The following RASSF9 variants were observed in gnomAD, a reference collection of about 807,000 sequenced individuals.
RASSF9 encodes ras association domain-containing protein 9.
Under a neutral mutation model 21.4 loss-of-function variants are expected in RASSF9, and 18 were observed. The ratio of observed to expected loss-of-function variants is 0.84; its 90% confidence interval spans 0.58 to 1.25. The LOEUF is 1.25. Ranked by LOEUF, RASSF9 falls within the 50% of genes most tolerant of loss-of-function variation. The pLI is 0.00. For synonymous variants in RASSF9, 183 were observed against 179.1 expected (o/e 1.02, Z -0.18); for missense variants, 480 against 503.2 (o/e 0.95, Z 0.44).
Position 85,803,301 on chromosome 12 carries a change from A to C in RASSF9, c.*1401T>G, listed in dbSNP as rs183050487. On this transcript the variant is annotated 3_prime_UTR_variant, in exon 2 of 2. Coordinates refer to ENST00000361228, the MANE Select transcript of RASSF9 (RefSeq NM_005447.4). ...ATTGGGACCCTTAACCAATGTCCAC[A>C]TATTAAAACTAAGTAAAATAATATT... 6.6e-6 allele frequency: 1 copy of C among 152,324 alleles called. No individual in the cohort carries two copies. Among genetic ancestry groups the C allele is most frequent in the African/African-American group, 2.4e-5 (1 of 41,574 alleles). The allele number at this position is 152,324 out of a possible 1,614,324, so 9.4% of individuals were successfully genotyped here.
chr12:85,807,724 T>C lies in RASSF9; in HGVS notation c.48-1762A>G, dbSNP rs1305822625. Among the ~76,000 whole-genome samples, 11 of 151,976 alleles carry C rather than the reference T, an allele frequency of 7.2e-5. No individual in the cohort carries two copies. In the South Asian group the frequency reaches 1.9e-3, roughly 26 times the overall value. On this transcript the variant is annotated intron_variant, in intron 1 of 1. Transcript: ENST00000361228. The stretch of plus-strand genomic sequence containing the variant: ...GTACTTTTCTCTGTTCTATAGAAGG[T>C]CAAGGGGAAAAAAACACTTCAGTTC...
chr12:85,827,325 A>G (rs1037674949), intron 1 of RASSF9, among the ~76,000 whole-genome samples: 5 of 152,098 alleles, frequency 3.3e-5, no homozygotes, highest in Admixed American at 6.5e-5. Flanking sequence ...AACTGTATCA[A>G]TTTTGTCACC....
intron 1 of RASSF9, among the ~76,000 whole-genome samples, chr12:85,825,355 G>T (rs1385117310): frequency 1.3e-5 from 2 of 152,100 alleles, no homozygotes; most frequent in Non-Finnish European, 2.9e-5. Flanking sequence ...TTAAACTTGG[G>T]AGTGGGGTAG....
At position 85,805,751 on chromosome 12, in the gene RASSF9, C is replaced by T. The variant is rs368582831; in HGVS notation, c.259G>A (p.Glu87Lys). The change falls in exon 2 of 2, where the codon GAA becomes AAA. Residue 87 changes from glutamate (E) to lysine (K), a missense_variant. Physicochemically the swap from Glu to Lys is moderately conservative, Grantham distance 56. Coordinates refer to ENST00000361228, the MANE Select transcript of RASSF9 (RefSeq NM_005447.4). The stretch of plus-strand genomic sequence containing the variant: ...CTAGTTAGTGGAGGAAGAACCCTTT[C>T]GGAGCCTCTCCACTTCTCTATGATG... ...YCIIEKWRGS[E>K]RVLPPLTRIL... is the part of the protein sequence containing the mutation. The T allele has an allele frequency of 6.8e-6, 11 of 1,613,714 alleles. No homozygotes were observed. Among genetic ancestry groups the T allele is most frequent in the South Asian group, 1.1e-5 (1 of 91,090 alleles).
intron 1 of RASSF9, among the ~76,000 whole-genome samples, chr12:85,833,709 T>A (rs968170497): frequency 5.9e-5 from 9 of 152,024 alleles, no homozygotes; most frequent in Non-Finnish European, 1.3e-4. Flanking sequence ...CTGATAAAGA[T>A]GCAATTATGC....
In RASSF9 at chr12:85,803,909, A is replaced by G. The variant is rs1248975484; in HGVS notation, c.*793T>C. On this transcript the variant is annotated 3_prime_UTR_variant, in exon 2 of 2. Coordinates refer to ENST00000361228, the MANE Select transcript of RASSF9 (RefSeq NM_005447.4). The stretch of plus-strand genomic sequence containing the variant: ...ACTTTTGTAGATAGGACATAAACAA[A>G]TAACACTATGACTGATTTTCTCTGT... The G allele has an allele frequency of 6.6e-6, 1 of 152,216 alleles. No individual in the cohort carries two copies. The highest frequency in any genetic ancestry group is 1.5e-5 in the Non-Finnish European group (1 of 68,040). 9.4% of individuals were successfully genotyped at this position (152,216 alleles called of 1,614,324 possible). A position where few individuals can be genotyped will look rare whatever the true frequency, so the allele number is the denominator to read the frequency against.
chr12:85,832,807 G>GT (rs992705929), intron 1 of RASSF9, among the ~76,000 whole-genome samples: 2 of 151,814 alleles, frequency 1.3e-5, no homozygotes, highest in Admixed American at 1.3e-4. Context: ...AGAATATTCT[G>GT]TTTTTCTGGA....
rs762290011 is a variant in RASSF9, at chr12:85,805,581, G to C, written c.429C>G (p.Leu143=). The change falls in exon 2 of 2, where the codon CTC becomes CTG. Residue 143 remains leucine, a synonymous_variant. Transcript: ENST00000361228. ...LVQNTEKLWE[L]SPANYMKTLP... ...AAGTCTTCATGTAGTTTGCTGGGCT[G>C]AGCTCCCACAATTTTTCTGTGTTTT... 6.2e-7 allele frequency: 1 copy of C among 1,613,888 alleles called. No homozygotes were observed. The highest frequency in any genetic ancestry group is 1.1e-5 in the South Asian group (1 of 91,078).
At chr12:85,818,970 AAAAAAAAAAAGGAACTGT>A (rs1408461745) in intron 1 of RASSF9, among the ~76,000 whole-genome samples, 1 of 151,608 alleles carries the variant, frequency 6.6e-6, no homozygotes, top group East Asian at 1.9e-4. Flanking sequence ...AAAAAAAAAA[AAAAAAAAAAAGGAACTGT>A]AAAATTATTT....
chr12:85,810,770 G>A (rs1054085788), intron 1 of RASSF9, among the ~76,000 whole-genome samples: 4 of 151,834 alleles, frequency 2.6e-5, no homozygotes, highest in African/African-American at 9.7e-5. Flanking sequence ...AGCTTGGTTC[G>A]TTATGTAATA....
intron 1 of RASSF9, among the ~76,000 whole-genome samples, chr12:85,830,995 C>T (rs533065196): frequency 9.2e-5 from 14 of 152,076 alleles, no homozygotes; most frequent in Non-Finnish European, 2.1e-4. Context: ...CATTAGAATG[C>T]AGAAGTAAGC....
In RASSF9 at chr12:85,827,102, C is replaced by A. The variant is rs533693172; in HGVS notation, c.47+9053G>T. Reference sequence around the variant, plus strand: ...ACCACTCTATCTCAGTCTTGAGCTTCAGGCCCAATATCTTACTGAATACCT... The same window carrying A: ...ACCACTCTATCTCAGTCTTGAGCTTAAGGCCCAATATCTTACTGAATACCT... On this transcript the variant is annotated intron_variant, in intron 1 of 1. Transcript: ENST00000361228. 2.4e-3 allele frequency among the ~76,000 whole-genome samples: 372 copies of A among 152,256 alleles called. 1 individual carries two copies. The highest frequency in any genetic ancestry group is 8.5e-3 in the African/African-American group (354 of 41,568).
At position 85,836,068 on chromosome 12, in the gene RASSF9, A is replaced by G. The variant is rs536284954; in HGVS notation, c.47+87T>C. ...AGAATCTAACAACCACAAAACACAT[A>G]CTTTCACAGGTAGGGTCCAGAGTAC... is the stretch of plus-strand genomic sequence containing the variant. On this transcript the variant is annotated intron_variant, in intron 1 of 1. Coordinates refer to ENST00000361228, the MANE Select transcript of RASSF9 (RefSeq NM_005447.4). 3.1e-5 allele frequency: 48 copies of G among 1,543,748 alleles called. No homozygotes were observed. The East Asian group carries it at 1.1e-3, about 35-fold the overall frequency.
intron 1 of RASSF9, among the ~76,000 whole-genome samples, chr12:85,821,174 A>G (rs1880202690): frequency 6.6e-6 from 1 of 152,082 alleles, no homozygotes; most frequent in Non-Finnish European, 1.5e-5. Flanking sequence ...AGCTACATTG[A>G]CCAATAAATT....
At chr12:85,807,151 A>G (rs1015571648) in intron 1 of RASSF9, among the ~76,000 whole-genome samples, 19 of 152,216 alleles carry the variant, frequency 1.2e-4, no homozygotes, top group Non-Finnish European at 2.6e-4. Flanking sequence ...AGGGATATCC[A>G]TTATCAAAAA....
intron 1 of RASSF9, among the ~76,000 whole-genome samples, chr12:85,810,504 G>C (rs970869697): frequency 6.6e-6 from 1 of 151,730 alleles, no homozygotes; most frequent in Non-Finnish European, 1.5e-5. Flanking sequence ...ATATAGAAAG[G>C]ATATGGAATA....
intron 1 of RASSF9, among the ~76,000 whole-genome samples, chr12:85,806,940 C>T (rs190836848): frequency 7.2e-4 from 109 of 151,982 alleles, no homozygotes; most frequent in Admixed American, 3.5e-3. Context: ...CCAGACACAC[C>T]TGAAGATACT....
chr12:85,813,242 A>G (rs918067795), intron 1 of RASSF9, among the ~76,000 whole-genome samples: 1 of 151,914 alleles, frequency 6.6e-6, no homozygotes, highest in Non-Finnish European at 1.5e-5. Context: ...AATATTAGTG[A>G]AAAATTGAAT....
intron 1 of RASSF9, among the ~76,000 whole-genome samples, chr12:85,822,736 T>C (rs1325369372): frequency 6.6e-6 from 1 of 152,218 alleles, no homozygotes; most frequent in Non-Finnish European, 1.5e-5. Context: ...TCGTAAACTC[T>C]TTTTATCTTC....
Sources: allele counts gnomAD v4.1 joint callset (sites outside exome capture counted in the v4.1 genomes callset), GRCh38; gene constraint gnomAD v4.1.1; transcripts MANE v1.5; gene names NCBI Gene and HGNC (gene_info 2026-07-23, HGNC 2026-07-21).